Variants in TAS2R1 observed in about 807,000 individuals in gnomAD.
TAS2R1 encodes the protein taste receptor type 2 member 1.
For synonymous variants in TAS2R1, 141 were observed against 134.2 expected, an observed-to-expected ratio of 1.05 and a Z score of -0.35; for missense variants, 370 against 353.4, an observed-to-expected ratio of 1.05 and a Z score of -0.38.
chr5:9,647,187 T>G (rs1033108031), intron 2 of TAS2R1, among the ~76,000 whole-genome samples: 3 of 152,150 alleles, frequency 2.0e-5, no homozygotes, highest in African/African-American at 7.2e-5. Context: ...TTAATGATTA[T>G]TTGTGCCAAC....
At position 9,627,776 on chromosome 5, in the gene TAS2R1, G is replaced by A. The variant is rs1739782769; in HGVS notation, c.*1357C>T. On this transcript the variant is annotated 3_prime_UTR_variant, in exon 1 of 1. Coordinates refer to ENST00000382492, the MANE Select transcript of TAS2R1 (RefSeq NM_019599.3). ...GAAAATGAAATAGCAGGAAGATGGAGGCTGTCATTTTGCTCCTTGGGGAAT... is the reference window on the plus strand; with the variant it reads ...GAAAATGAAATAGCAGGAAGATGGAAGCTGTCATTTTGCTCCTTGGGGAAT... Among the ~76,000 whole-genome samples the A allele has an allele frequency of 6.6e-6, 1 of 152,196 alleles. No individual in the cohort carries two copies. Among genetic ancestry groups the A allele is most frequent in the South Asian group, 2.1e-4 (1 of 4,824 alleles).
intron 1 of TAS2R1, among the ~76,000 whole-genome samples, chr5:9,683,956 G>T (rs1321978444): frequency 1.3e-5 from 2 of 152,150 alleles, no homozygotes; most frequent in Non-Finnish European, 1.5e-5. Flanking sequence ...AATGAAGGAA[G>T]AGGTAAAGGT....
At chr5:9,665,714 T>C (rs1253927291) in intron 1 of TAS2R1, among the ~76,000 whole-genome samples, 1 of 152,242 alleles carries the variant, frequency 6.6e-6, no homozygotes. Flanking sequence ...AGGGTTGTTA[T>C]GAGAATTCAG....
chr5:9,805,744 C>T, the TAS2R1 span, among the ~76,000 whole-genome samples: 1 of 151,898 alleles, frequency 6.6e-6, no homozygotes, highest in Non-Finnish European at 1.5e-5. Flanking sequence ...AAGGGACATA[C>T]CTTAAGGTAA....
intron 2 of TAS2R1, among the ~76,000 whole-genome samples, chr5:9,639,238 G>A (rs1335065250): frequency 1.3e-5 from 2 of 152,178 alleles, no homozygotes; most frequent in Non-Finnish European, 2.9e-5. Flanking sequence ...GACCCTGTGA[G>A]ATATACTCAA....
the TAS2R1 span, among the ~76,000 whole-genome samples, chr5:9,889,182 G>A: frequency 3.3e-5 from 5 of 152,156 alleles, no homozygotes; most frequent in Non-Finnish European, 7.3e-5. Flanking sequence ...AGCTTGCAGG[G>A]GAATGCTCAG....
the TAS2R1 span, among the ~76,000 whole-genome samples, chr5:9,764,742 A>G: frequency 0.33 from 50,556 of 152,166 alleles, 9,525 homozygotes; most frequent in Admixed American, 0.43. Flanking sequence ...ACAAGAGAAC[A>G]TGGCACAGGA....
the TAS2R1 span, among the ~76,000 whole-genome samples, chr5:9,786,420 T>A: frequency 6.6e-6 from 1 of 152,202 alleles, no homozygotes; most frequent in Non-Finnish European, 1.5e-5. Context: ...ACAAAGTAAC[T>A]AAGTCCCATC....
chr5:9,627,701 C>A lies in TAS2R1; in HGVS notation c.*1432G>T, dbSNP rs1361414066. Among the ~76,000 whole-genome samples the A allele has an allele frequency of 6.6e-6, 1 of 152,248 alleles. No individual in the cohort carries two copies. The highest frequency in any genetic ancestry group is 2.4e-5 in the African/African-American group (1 of 41,472). ...ATACAACTGATCTTCCCACAGCTGG[C>A]TTCCTGAGTGCGTGATTAGCTACAA... On this transcript the variant is annotated 3_prime_UTR_variant, in exon 1 of 1. Coordinates refer to ENST00000382492, the MANE Select transcript of TAS2R1 (RefSeq NM_019599.3).
the TAS2R1 span, among the ~76,000 whole-genome samples, chr5:9,751,390 A>G: frequency 2.6e-5 from 4 of 152,054 alleles, no homozygotes; most frequent in East Asian, 7.8e-4. Flanking sequence ...TGGTCTGATG[A>G]AAAGACCATA....
chr5:9,875,328 G>A, the TAS2R1 span, among the ~76,000 whole-genome samples: 1 of 152,180 alleles, frequency 6.6e-6, no homozygotes, highest in Non-Finnish European at 1.5e-5. Context: ...CTCAGCACCA[G>A]CCAAGTCAAA....
intron 1 of TAS2R1, among the ~76,000 whole-genome samples, chr5:9,689,424 GT>G (rs1741192050): frequency 6.6e-6 from 1 of 152,144 alleles, no homozygotes; most frequent in South Asian, 2.1e-4. Flanking sequence ...CCCTGAGAGG[GT>G]TTAAAAATAA....
At chr5:9,756,246 C>T in the TAS2R1 span, among the ~76,000 whole-genome samples, 1 of 152,128 alleles carries the variant, frequency 6.6e-6, no homozygotes, top group Admixed American at 6.5e-5. Flanking sequence ...TACGCGAGAG[C>T]CTTCAGGGAA....
At chr5:9,869,755 A>G in the TAS2R1 span, among the ~76,000 whole-genome samples, 1 of 152,184 alleles carries the variant, frequency 6.6e-6, no homozygotes, top group Non-Finnish European at 1.5e-5. Context: ...ACTTTGCCCT[A>G]TGTGCCTTTT....
chr5:9,739,685 A>G, the TAS2R1 span, among the ~76,000 whole-genome samples: 36 of 152,336 alleles, frequency 2.4e-4, no homozygotes, highest in Non-Finnish European at 3.1e-4. Flanking sequence ...TGATTCAAGC[A>G]TAAAGGTCAT....
the TAS2R1 span, among the ~76,000 whole-genome samples, chr5:9,778,538 G>A: frequency 1.3e-5 from 2 of 152,186 alleles, no homozygotes; most frequent in African/African-American, 4.8e-5. Context: ...AGGTTGTTTT[G>A]TCTACATTGA....
chr5:9,735,019 GAGGCC>G, the TAS2R1 span, among the ~76,000 whole-genome samples: 3 of 151,422 alleles, frequency 2.0e-5, no homozygotes, highest in African/African-American at 7.4e-5. Flanking sequence ...CATTGCTAGG[GAGGCC>G]TCAGGAAACT....
the TAS2R1 span, among the ~76,000 whole-genome samples, chr5:9,825,024 G>A: frequency 8.5e-5 from 13 of 152,172 alleles, no homozygotes; most frequent in Non-Finnish European, 1.3e-4. Context: ...CTTGTGCAGT[G>A]TTCAGCTTGC....
At chr5:9,875,153 T>C in the TAS2R1 span, among the ~76,000 whole-genome samples, 27 of 152,278 alleles carry the variant, frequency 1.8e-4, 1 homozygote, top group East Asian at 4.8e-3. Context: ...CTAGGCATCA[T>C]TTCCCTCCTC....
Sources: gnomAD v4.1 joint callset for allele counts (sites outside exome capture counted in the v4.1 genomes callset) on GRCh38, gnomAD v4.1.1 for gene constraint, MANE v1.5 for transcripts, NCBI Gene and HGNC (gene_info 2026-07-23, HGNC 2026-07-21) for gene names.